Variants in WSCD2 observed in about 807,000 individuals in gnomAD.
The protein encoded by WSCD2 is sialate:O-sulfotransferase 2.
WSCD2 carries 28 observed loss-of-function variants against 55.7 expected under a neutral mutation model. That is an observed-to-expected ratio of 0.50 (90% CI 0.37 to 0.69). The LOEUF (loss-of-function observed/expected upper bound fraction) is 0.69, where lower values mean the gene tolerates loss of function less well. Among genes scored for constraint, WSCD2 ranks in the 30% least tolerant of loss-of-function variants. The probability of loss-of-function intolerance (pLI) is 0.00; values close to 1 mark genes in which losing one functional copy is unlikely to be tolerated. For synonymous variants in WSCD2, 301 were observed against 301.9 expected (o/e 1.00, Z 0.03); for missense variants, 616 against 762.1 (o/e 0.81, Z 2.26).
At chr12:108,167,955 T>C (rs759709201) in intron 1 of WSCD2, among the ~76,000 whole-genome samples, 4 of 152,100 alleles carry the variant, frequency 2.6e-5, no homozygotes, top group Non-Finnish European at 4.4e-5. Flanking sequence ...GGGTGAGGGG[T>C]AAAATGATCC....
intron 1 of WSCD2, among the ~76,000 whole-genome samples, chr12:108,175,671 C>A (rs951084816): frequency 5.3e-5 from 8 of 152,180 alleles, no homozygotes; most frequent in Non-Finnish European, 1.2e-4. Context: ...TTCCTGGGAG[C>A]CATCCCTGCC....
chr12:108,142,081 C>G (rs338168), intron 1 of WSCD2, among the ~76,000 whole-genome samples: 1 of 152,024 alleles, frequency 6.6e-6, no homozygotes, highest in Non-Finnish European at 1.5e-5. Flanking sequence ...AAAATGCCCC[C>G]GTCTCCCTTC....
At chr12:108,239,278 C>A (rs1180126026) in intron 7 of WSCD2, among the ~76,000 whole-genome samples, 4 of 152,296 alleles carry the variant, frequency 2.6e-5, no homozygotes, top group African/African-American at 7.2e-5. Context: ...CTTCCCAGCT[C>A]TCTTGAGCTA....
Position 108,195,562 on chromosome 12 carries a change from G to A in WSCD2, c.-271G>A, listed in dbSNP as rs539816618. 173 of 491,664 alleles carry A rather than the reference G, an allele frequency of 3.5e-4. No homozygotes were observed. The highest frequency in any genetic ancestry group is 5.7e-4 in the Non-Finnish European group (158 of 278,418). 30.5% of individuals were successfully genotyped at this position (491,664 alleles called of 1,614,324 possible). ...ATGTAGGAAAATGGGACCAACTTATGTGTGTTCTGAGCCTCAAAACCCCCT... is the reference window on the plus strand; with the variant it reads ...ATGTAGGAAAATGGGACCAACTTATATGTGTTCTGAGCCTCAAAACCCCCT... On this transcript the variant is annotated 5_prime_UTR_variant, in exon 2 of 9. In the 5' UTR this introduces an upstream ATG that the reference lacks. Transcript: ENST00000547525.
At chr12:108,222,772 A>C (rs1481552689) in intron 4 of WSCD2, among the ~76,000 whole-genome samples, 1 of 152,208 alleles carries the variant, frequency 6.6e-6, no homozygotes, top group East Asian at 1.9e-4. Context: ...TCTTTATTAC[A>C]TAAAAATACA....
chr12:108,243,748 T>C (rs1889915360), intron 8 of WSCD2, among the ~76,000 whole-genome samples: 1 of 152,196 alleles, frequency 6.6e-6, no homozygotes, highest in South Asian at 2.1e-4. Context: ...ATACTTCATG[T>C]GCACTTTAAG....
intron 4 of WSCD2, among the ~76,000 whole-genome samples, chr12:108,212,109 G>GGAGGGCA (rs1886267878): frequency 6.6e-6 from 1 of 152,198 alleles, no homozygotes; most frequent in Non-Finnish European, 1.5e-5. Context: ...TGAAGCCCTA[G>GGAGGGCA]GAGGGCAGAG....
chr12:108,159,773 C>T (rs549681829), intron 1 of WSCD2, among the ~76,000 whole-genome samples: 20 of 152,306 alleles, frequency 1.3e-4, no homozygotes, highest in African/African-American at 4.6e-4. Flanking sequence ...GCCCCTGCAG[C>T]ATCTCTTGCT....
At position 108,140,629 on chromosome 12, in the gene WSCD2, T is replaced by TGAGGTGTCA. The variant is rs773380922; in HGVS notation, c.-552+10705_-552+10713dup. Among the ~76,000 whole-genome samples, 15 of 152,294 alleles carry TGAGGTGTCA rather than the reference T, an allele frequency of 9.8e-5. No individual in the cohort carries two copies. The East Asian group carries it at 2.1e-3, about 22-fold the overall frequency. The stretch of plus-strand genomic sequence containing the variant: ...AGCTTGTTCCTCAAGTGCTGGGGAT[T>TGAGGTGTCA]GAGGTGTCAGTGTCTTCTCCCCTGG... On this transcript the variant is annotated intron_variant, in intron 1 of 8. Transcript: ENST00000547525.
intron 4 of WSCD2, among the ~76,000 whole-genome samples, chr12:108,221,056 A>G (rs763204207): frequency 2.6e-5 from 4 of 152,098 alleles, no homozygotes; most frequent in Non-Finnish European, 5.9e-5. Context: ...GTGCAGACTG[A>G]ATGGACCCAG....
At chr12:108,137,833 A>G (rs1876376971) in intron 1 of WSCD2, among the ~76,000 whole-genome samples, 2 of 152,174 alleles carry the variant, frequency 1.3e-5, no homozygotes, top group African/African-American at 4.8e-5. Flanking sequence ...CGTACGTGGA[A>G]CTCTTCATTT....
chr12:108,129,969 G>A (rs1875314667), intron 1 of WSCD2, 43 bp downstream of exon 1: 1 of 152,302 alleles, frequency 6.6e-6, no homozygotes, highest in African/African-American at 2.4e-5. Flanking sequence ...GGCTCCAGGA[G>A]GGAGCCGGGC....
chr12:108,197,771 A>G (rs1884118692), intron 2 of WSCD2, among the ~76,000 whole-genome samples: 1 of 151,910 alleles, frequency 6.6e-6, no homozygotes, highest in African/African-American at 2.4e-5. Context: ...TGGTCCCCAT[A>G]ATGCTTAGGA....
intron 1 of WSCD2, among the ~76,000 whole-genome samples, chr12:108,185,474 T>A (rs1231225220): frequency 6.6e-6 from 1 of 152,176 alleles, no homozygotes; most frequent in Admixed American, 6.5e-5. Flanking sequence ...TCAAATGCCT[T>A]CTGAGAGGGG....
chr12:108,164,247 A>G (rs1223468105), intron 1 of WSCD2, among the ~76,000 whole-genome samples: 1 of 148,734 alleles, frequency 6.7e-6, no homozygotes, highest in Non-Finnish European at 1.5e-5. Context: ...TTACAAACTT[A>G]TAGAGCCATG....
chr12:108,227,882 G>A (rs1300939363), intron 6 of WSCD2, among the ~76,000 whole-genome samples: 4 of 151,972 alleles, frequency 2.6e-5, no homozygotes, highest in Non-Finnish European at 4.4e-5. Flanking sequence ...TGAAAGTGAT[G>A]ATGACGATGA....
chr12:108,145,461 G>A (rs565433114), intron 1 of WSCD2, among the ~76,000 whole-genome samples: 4 of 152,302 alleles, frequency 2.6e-5, no homozygotes, highest in African/African-American at 9.6e-5. Context: ...AACATTCCAA[G>A]CCTGCCACAT....
intron 1 of WSCD2, among the ~76,000 whole-genome samples, chr12:108,186,338 T>G (rs146987915): frequency 6.6e-6 from 1 of 152,168 alleles, no homozygotes; most frequent in Admixed American, 6.5e-5. Context: ...TTTGTTACAG[T>G]TGATGAACCT....
At chr12:108,173,045 G>T (rs1050084400) in intron 1 of WSCD2, among the ~76,000 whole-genome samples, 1 of 151,804 alleles carries the variant, frequency 6.6e-6, no homozygotes, top group South Asian at 2.1e-4. Flanking sequence ...ACCAGGAATC[G>T]GGGCCTCCAC....
Sources: gnomAD v4.1 joint callset for allele counts (sites outside exome capture counted in the v4.1 genomes callset) on GRCh38, gnomAD v4.1.1 for gene constraint, MANE v1.5 for transcripts, NCBI Gene and HGNC (gene_info 2026-07-23, HGNC 2026-07-21) for gene names.